ANO3: variants seen among roughly 807,000 people sequenced by gnomAD.
The protein encoded by ANO3 is anoctamin-3.
In ANO3, 99 loss-of-function variants were observed where a neutral mutation model predicts 144.8. The observed-to-expected ratio is 0.68, with a 90% CI of 0.58 to 0.81. The LOEUF is 0.81. Ranked by LOEUF, ANO3 falls within the 30% of genes least tolerant of loss-of-function variation. ANO3 has a pLI of 0.00. For synonymous variants in ANO3, 414 were observed against 392.6 expected (o/e 1.05, Z -0.64); for missense variants, 905 against 1,202.2 (o/e 0.75, Z 3.66).
At chr11:26,258,108 C>A (rs75116568) in intron 1 of ANO3, among the ~76,000 whole-genome samples, 2,795 of 152,172 alleles carry the variant, frequency 0.018, 68 homozygotes, top group East Asian at 0.12. Context: ...AAGGAAACTT[C>A]CATACTAATG....
At chr11:26,638,946 T>C (rs1853055629) in intron 20 of ANO3, among the ~76,000 whole-genome samples, 198 bp from the exon 21 acceptor site, 1 of 152,184 alleles carries the variant, frequency 6.6e-6, no homozygotes, top group Non-Finnish European at 1.5e-5. Flanking sequence ...ATAATTTTGA[T>C]TGATATTTCG....
chr11:26,387,076 GAGAC>G (rs1856752991), intron 1 of ANO3, among the ~76,000 whole-genome samples: 1 of 150,670 alleles, frequency 6.6e-6, no homozygotes, highest in East Asian at 1.9e-4. Flanking sequence ...AAGAGGGTAA[GAGAC>G]AGAGAGAAAG....
At chr11:26,562,784 G>A (rs180956757) in intron 14 of ANO3, among the ~76,000 whole-genome samples, 17 of 151,958 alleles carry the variant, frequency 1.1e-4, no homozygotes, top group African/African-American at 3.9e-4. Flanking sequence ...TAGCTTTGCC[G>A]TCACTTGCTA....
intron 17 of ANO3, among the ~76,000 whole-genome samples, chr11:26,610,066 C>T (rs1187922394): frequency 6.6e-6 from 1 of 152,202 alleles, no homozygotes; most frequent in Non-Finnish European, 1.5e-5. Context: ...CGTGTGCCAC[C>T]GCACCCAGCT....
intron 1 of ANO3, among the ~76,000 whole-genome samples, chr11:26,312,368 G>C (rs1854520071): frequency 6.6e-6 from 1 of 152,210 alleles, no homozygotes; most frequent in Admixed American, 6.5e-5. Context: ...CCAGTAATGG[G>C]ATGGCTGGGT....
In ANO3 at chr11:26,639,224, C is replaced by T. The variant is rs749295092; in HGVS notation, c.2124C>T (p.Phe708=). Residue 708 remains phenylalanine, a synonymous_variant, in exon 21 of 27, where the codon TTC becomes TTT. Transcript: ENST00000256737. ...TTTTGAAGCAAATATGGAACAACTT[C>T]ATGGAACTAGGATACCCGTGAGCAC... The part of the protein sequence containing the change: ...IMFLKQIWNN[F]MELGYPLIQN... 94 of 1,613,000 alleles carry T rather than the reference C, an allele frequency of 5.8e-5. No individual in the cohort carries two copies. The highest frequency in any genetic ancestry group is 7.6e-5 in the Non-Finnish European group (90 of 1,179,272).
chr11:26,631,716 A>G (rs1292412192), intron 18 of ANO3, among the ~76,000 whole-genome samples: 1 of 152,194 alleles, frequency 6.6e-6, no homozygotes. Context: ...TCATCAGGTT[A>G]ATATTAGGGA....
intron 1 of ANO3, among the ~76,000 whole-genome samples, chr11:26,238,312 G>A (rs553887290): frequency 2.6e-5 from 4 of 152,164 alleles, no homozygotes; most frequent in African/African-American, 9.6e-5. Flanking sequence ...TAAATGTAGA[G>A]CCAAAACTGG....
intron 1 of ANO3, among the ~76,000 whole-genome samples, chr11:26,319,634 A>T (rs1854711525): frequency 1.3e-5 from 2 of 152,184 alleles, no homozygotes; most frequent in African/African-American, 4.8e-5. Flanking sequence ...TCAATGTATG[A>T]TAAAATGCCT....
chr11:26,267,203 C>G (rs1209946882), intron 1 of ANO3, among the ~76,000 whole-genome samples: 2 of 151,808 alleles, frequency 1.3e-5, no homozygotes, highest in Admixed American at 1.3e-4. Flanking sequence ...CACACACACA[C>G]CCCCAAAATG....
chr11:26,308,244 T>C (rs1854428554), upstream of ANO3, among the ~76,000 whole-genome samples: 4 of 152,238 alleles, frequency 2.6e-5, no homozygotes, highest in South Asian at 8.3e-4. Context: ...ACTTCCAAGA[T>C]GCACATCTCC....
intron 4 of ANO3, among the ~76,000 whole-genome samples, chr11:26,471,405 A>G (rs565126205): frequency 1.3e-5 from 2 of 152,142 alleles, no homozygotes; most frequent in South Asian, 2.1e-4. Context: ...GTAAAAATAG[A>G]TAATTTGTTA....
chr11:26,451,381 C>A (rs148164608), intron 3 of ANO3, among the ~76,000 whole-genome samples: 2,582 of 152,288 alleles, frequency 0.017, 41 homozygotes, highest in Middle Eastern at 0.058. Flanking sequence ...CACTCCCACC[C>A]GAATACTGCG....
At chr11:26,621,631 A>G (rs1240386872) in intron 17 of ANO3, among the ~76,000 whole-genome samples, 1 of 152,082 alleles carries the variant, frequency 6.6e-6, no homozygotes, top group African/African-American at 2.4e-5. Flanking sequence ...TCACCTCCTG[A>G]CCAATTATGT....
At chr11:26,368,712 G>A (rs2133935276) in intron 1 of ANO3, among the ~76,000 whole-genome samples, 1 of 151,956 alleles carries the variant, frequency 6.6e-6, no homozygotes, top group Non-Finnish European at 1.5e-5. Context: ...TCATTGGTAT[G>A]TATAAATCTT....
chr11:26,460,713 C>CA (rs147823407), intron 3 of ANO3, among the ~76,000 whole-genome samples: 106,067 of 151,528 alleles, frequency 0.7, 38,283 homozygotes, highest in Admixed American at 0.81. Context: ...AAAAAGTAAA[C>CA]AGAAAAATCT....
intron 4 of ANO3, among the ~76,000 whole-genome samples, chr11:26,464,433 A>T (rs892956271): frequency 1.3e-5 from 2 of 151,852 alleles, no homozygotes; most frequent in Non-Finnish European, 2.9e-5. Flanking sequence ...CTTAATGTGC[A>T]TATAGCACTG....
intron 23 of ANO3, among the ~76,000 whole-genome samples, chr11:26,644,666 T>A (rs1445508060): frequency 1.3e-5 from 2 of 152,084 alleles, no homozygotes; most frequent in African/African-American, 4.8e-5. Context: ...GAGGAAAAAA[T>A]TTGTTGTTCT....
chr11:26,492,534 T>C (rs911447514), intron 4 of ANO3, among the ~76,000 whole-genome samples: 5 of 152,204 alleles, frequency 3.3e-5, no homozygotes, highest in Non-Finnish European at 5.9e-5. Context: ...TATCTGCCAC[T>C]TGTTTTAATA....
Sources: allele counts gnomAD v4.1 joint callset (sites outside exome capture counted in the v4.1 genomes callset), GRCh38; gene constraint gnomAD v4.1.1; transcripts MANE v1.5; gene names NCBI Gene and HGNC (gene_info 2026-07-23, HGNC 2026-07-21).